Variants in ZNF26 observed in about 807,000 individuals in gnomAD.
ZNF26 encodes zinc finger protein 26.
In ZNF26, 32 loss-of-function variants were observed where a neutral mutation model predicts 54.9. That is an observed-to-expected ratio of 0.58 (90% CI 0.44 to 0.78). The LOEUF (loss-of-function observed/expected upper bound fraction) is 0.78, where lower values mean the gene tolerates loss of function less well. ZNF26 is among the 30% of genes least tolerant of loss of function. The pLI is 0.00. For synonymous variants in ZNF26, 221 were observed against 209.2 expected (o/e 1.06, Z -0.49); for missense variants, 524 against 634.0 (o/e 0.83, Z 1.86).
rs1953543145 is a variant in ZNF26 at position 133,014,705 on chromosome 12, C to T, written c.*3224C>T. ...GGATTACAGGTGTGTGCCACCGCGCCTGGCTAATTTTTGTATTTTTAGTAG... is the reference window on the plus strand; with the variant it reads ...GGATTACAGGTGTGTGCCACCGCGCTTGGCTAATTTTTGTATTTTTAGTAG... On this transcript the variant is annotated 3_prime_UTR_variant, in exon 4 of 4. Transcript: ENST00000328654. 6.6e-6 allele frequency: 1 copy of T among 152,072 alleles called. No individual in the cohort carries two copies. The highest frequency in any genetic ancestry group is 2.1e-4 in the South Asian group (1 of 4,818). 9.4% of individuals were successfully genotyped at this position (152,072 alleles called of 1,614,324 possible).
chr12:132,986,668 T>C lies in ZNF26; in HGVS notation c.-173T>C, dbSNP rs9888336. 596,233 of 633,332 alleles carry C rather than the reference T, an allele frequency of 0.94. 282,117 individuals are homozygous for C. The highest frequency in any genetic ancestry group is 1 in the East Asian group (36,212 of 36,250). 39.2% of individuals were successfully genotyped at this position (633,332 alleles called of 1,614,324 possible). On this transcript the variant is annotated 5_prime_UTR_variant, in exon 1 of 4. Transcript: ENST00000328654. ...GGAGGTTGTCTAGTCACGCGCGGTC[T>C]GTGTTGGGCGAGAGCTGAGGAGCCG...
intron 1 of ZNF26, among the ~76,000 whole-genome samples, chr12:132,997,454 T>A (rs113560943): frequency 5.9e-5 from 9 of 151,976 alleles, no homozygotes; most frequent in Non-Finnish European, 1.3e-4. Context: ...GCTTCCAAGA[T>A]AGAGTCCAGA....
Position 132,986,646 on chromosome 12 carries a change from G to A in ZNF26, c.-195G>A. ...GCGACTCCTGGTACCCAGACCGGGA[G>A]GTTGTCTAGTCACGCGCGGTCTGTG... On this transcript the variant is annotated 5_prime_UTR_variant, in exon 1 of 4. Coordinates refer to ENST00000328654, the MANE Select transcript of ZNF26 (RefSeq NM_019591.4). 1 of 603,042 alleles carries A rather than the reference G, an allele frequency of 1.7e-6. No individual in the cohort carries two copies. Among genetic ancestry groups the A allele is most frequent in the Non-Finnish European group, 2.9e-6 (1 of 339,136 alleles). 37.4% of individuals were successfully genotyped at this position (603,042 alleles called of 1,614,324 possible). A position where few individuals can be genotyped will look rare whatever the true frequency, so the allele number is the denominator to read the frequency against.
intron 1 of ZNF26, among the ~76,000 whole-genome samples, chr12:132,987,415 A>G (rs1225307022): frequency 6.6e-6 from 1 of 152,202 alleles, no homozygotes; most frequent in Non-Finnish European, 1.5e-5. Context: ...GGAGCTCGAG[A>G]GTCCGAAAGG....
intron 1 of ZNF26, among the ~76,000 whole-genome samples, chr12:133,003,561 C>G (rs1953265062): frequency 6.6e-6 from 1 of 152,096 alleles, no homozygotes; most frequent in Non-Finnish European, 1.5e-5. Context: ...CCTCCCTTTT[C>G]TTTTAGAGGT....
At chr12:133,007,413 C>T (rs1953355277) in intron 2 of ZNF26, 24 bp from the exon 3 acceptor site, 11 of 1,594,860 alleles carry the variant, frequency 6.9e-6, no homozygotes, top group Non-Finnish European at 9.4e-6. Flanking sequence ...CTGGTCCCCA[C>T]CCTTTGTGAT....
At position 132,988,166 on chromosome 12, in the gene ZNF26, G is replaced by A. The variant is rs774102435; in HGVS notation, c.33+1293G>A. 5.6e-3 allele frequency among the ~76,000 whole-genome samples: 840 copies of A among 151,280 alleles called. 8 individuals carry two copies. The highest frequency in any genetic ancestry group is 9.2e-3 in the Non-Finnish European group (622 of 67,810). On this transcript the variant is annotated intron_variant, in intron 1 of 3. Coordinates refer to ENST00000328654, the MANE Select transcript of ZNF26 (RefSeq NM_019591.4). Reference sequence around the variant, plus strand: ...TGGGATTACAGGCACATGCCACCCAGTCCGGGTAATTTTTGTATATTTTGT... The same window carrying A: ...TGGGATTACAGGCACATGCCACCCAATCCGGGTAATTTTTGTATATTTTGT...
intron 1 of ZNF26, among the ~76,000 whole-genome samples, chr12:132,991,776 C>A (rs1451295943): frequency 2.0e-5 from 3 of 151,878 alleles, no homozygotes; most frequent in Non-Finnish European, 2.9e-5. Flanking sequence ...AGAGCGAGAC[C>A]GTCTCAAAAA....
At chr12:132,987,022 G>A (rs898053882) in intron 1 of ZNF26, 149 bp downstream of exon 1, 8 of 878,612 alleles carry the variant, frequency 9.1e-6, no homozygotes, top group South Asian at 1.7e-5. Flanking sequence ...AAACCAAAGC[G>A]CCTCTGAAGC....
rs773448562 is a variant in ZNF26 at position 132,990,149 on chromosome 12, G to A, written c.33+3276G>A. The stretch of plus-strand genomic sequence containing the variant: ...AAATTAAAAAACAAAATAGCTGGGC[G>A]TGGTGACACATGCCTGTAGTCTCAG... On this transcript the variant is annotated intron_variant, in intron 1 of 3. Transcript: ENST00000328654. Among the ~76,000 whole-genome samples, 85 of 152,188 alleles carry A rather than the reference G, an allele frequency of 5.6e-4. 2 individuals are homozygous for A. The highest frequency in any genetic ancestry group is 1.7e-3 in the African/African-American group (72 of 41,534).
chr12:132,986,904 G>T, intron 1 of ZNF26, 31 bp downstream of exon 1: 3 of 1,593,326 alleles, frequency 1.9e-6, no homozygotes, highest in African/African-American at 1.3e-5. Context: ...TTTAAAATTC[G>T]ACTGGATACT....
intron 3 of ZNF26, among the ~76,000 whole-genome samples, chr12:133,009,163 A>G (rs1953411646): frequency 6.6e-6 from 1 of 152,238 alleles, no homozygotes; most frequent in Non-Finnish European, 1.5e-5. Flanking sequence ...AAAGTATATC[A>G]AGAACTGTAG....
rs1191465111 is a variant in ZNF26, at chr12:133,011,273, G to C, written c.1394G>C (p.Arg465Thr). 6.8e-6 allele frequency: 11 copies of C among 1,613,578 alleles called. No homozygotes were observed. The highest frequency in any genetic ancestry group is 8.5e-6 in the Non-Finnish European group (10 of 1,179,844). Residue 465 changes from arginine (R) to threonine (T), a missense_variant, in exon 4 of 4, where the codon AGG becomes ACG. Transcript: ENST00000328654. The stretch of plus-strand genomic sequence containing the variant: ...AATGAATGTGAAAAAGCCTACCCTA[G>C]GAAGGCATCACTTCAGATACACCAG... ...ECNECEKAYP[R>T]KASLQIHQKT...
chr12:132,987,612 G>A (rs1952852968), intron 1 of ZNF26: 1 of 725,916 alleles, frequency 1.4e-6, no homozygotes, highest in Non-Finnish European at 1.7e-6. Context: ...ATTGGAAGAG[G>A]GACCCTGGGA....
rs150395603 is a variant in ZNF26 at position 132,989,028 on chromosome 12, A to ATTTTTTTTTTTTTTTTTTTTTTTTTT, written c.33+2158_33+2183dup. On this transcript the variant is annotated intron_variant, in intron 1 of 3. Coordinates refer to ENST00000328654, the MANE Select transcript of ZNF26 (RefSeq NM_019591.4). ...TGTAGTTCCAGGAGTCTTTCGGTGA[A>ATTTTTTTTTTTTTTTTTTTTTTTTTT]TTTTTTTTTTTTTTTTTTTTTTTTT... 5.1e-5 allele frequency among the ~76,000 whole-genome samples: 4 copies of ATTTTTTTTTTTTTTTTTTTTTTTTTT among 78,824 alleles called. 1 individual carries two copies. The highest frequency in any genetic ancestry group is 5.0e-5 in the African/African-American group (1 of 20,054). The allele number at this position is 78,824 out of a possible 152,430, so 51.7% of individuals were successfully genotyped here.
chr12:132,989,893 A>G (rs61953672), intron 1 of ZNF26, among the ~76,000 whole-genome samples: 36,386 of 152,026 alleles, frequency 0.24, 4,642 homozygotes, highest in Non-Finnish European at 0.29. Flanking sequence ...TAGTTGTAGC[A>G]TTTTTCTTGG....
In ZNF26 at chr12:133,021,506, C is replaced by T. The variant is rs1953641596; in HGVS notation, c.*10025C>T. On this transcript the variant is annotated 3_prime_UTR_variant, in exon 4 of 4. Coordinates refer to ENST00000328654, the MANE Select transcript of ZNF26 (RefSeq NM_019591.4). ...TTTGGCCGGGCATGGTGGCTCACAT[C>T]TGTAATCCTAGCATTTTGGGAGGCC... The T allele has an allele frequency of 1.3e-5, 2 of 150,958 alleles. No homozygotes were observed. Among genetic ancestry groups the T allele is most frequent in the African/African-American group, 4.9e-5 (2 of 41,148 alleles). The allele number at this position is 150,958 out of a possible 1,614,324, so 9.4% of individuals were successfully genotyped here.
Position 133,015,714 on chromosome 12 carries a change from C to T in ZNF26, c.*4233C>T, listed in dbSNP as rs1953557658. On this transcript the variant is annotated 3_prime_UTR_variant, in exon 4 of 4. Transcript: ENST00000328654. The stretch of plus-strand genomic sequence containing the variant: ...ACAAATGTCAATGTTGCTGAAAAGC[C>T]AAAAGAAGCCAAGAGGACAGTCTTC... The T allele has an allele frequency of 1.3e-5, 2 of 152,054 alleles. No individual in the cohort carries two copies. The highest frequency in any genetic ancestry group is 2.4e-5 in the African/African-American group (1 of 41,404). The allele number at this position is 152,054 out of a possible 1,614,324, so 9.4% of individuals were successfully genotyped here. A position where few individuals can be genotyped will look rare whatever the true frequency, so the allele number is the denominator to read the frequency against.
In ZNF26 at chr12:133,010,996, G is replaced by A. The variant is rs1265574793; in HGVS notation, c.1117G>A (p.Gly373Ser). 13 of 1,612,062 alleles carry A rather than the reference G, an allele frequency of 8.1e-6. No individual in the cohort carries two copies. Among genetic ancestry groups the A allele is most frequent in the African/African-American group, 1.3e-5 (1 of 74,324 alleles). ...CACAGGAAATAATCCTTATCAATGCGGTGAATGTGGGAAAGCCTTTGGTAG... is the reference window on the plus strand; with the variant it reads ...CACAGGAAATAATCCTTATCAATGCAGTGAATGTGGGAAAGCCTTTGGTAG... Reference protein sequence around the residue: ...VHTGNNPYQCGECGKAFGRKE... With the variant: ...VHTGNNPYQCSECGKAFGRKE... The change falls in exon 4 of 4, where the codon GGT (glycine) becomes AGT (serine). Residue 373 changes from glycine (G) to serine (S), a missense_variant. By Grantham distance (56) the Gly-to-Ser change is moderately conservative. Transcript: ENST00000328654.
Sources: allele counts gnomAD v4.1 joint callset (sites outside exome capture counted in the v4.1 genomes callset), GRCh38; gene constraint gnomAD v4.1.1; transcripts MANE v1.5; gene names NCBI Gene and HGNC (gene_info 2026-07-23, HGNC 2026-07-21).